SGMS2: variants seen among roughly 807,000 people sequenced by gnomAD.
The protein encoded by SGMS2 is phosphatidylcholine:ceramide cholinephosphotransferase 2.
SGMS2 carries 21 observed loss-of-function variants against 43.8 expected under a neutral mutation model. The ratio of observed to expected loss-of-function variants is 0.48; its 90% CI spans 0.34 to 0.69. SGMS2 has a LOEUF of 0.69. SGMS2 is among the 30% of genes least tolerant of loss of function. The pLI is 0.01. For synonymous variants in SGMS2, 167 were observed against 160.6 expected, an observed-to-expected ratio of 1.04 and a Z score of -0.30; for missense variants, 384 against 443.2, an observed-to-expected ratio of 0.87 and a Z score of 1.20.
At chr4:107,896,088 T>G (rs1428453851) in intron 3 of SGMS2, 80 bp downstream of exon 3, 2 of 1,290,306 alleles carry the variant, frequency 1.6e-6, no homozygotes, top group African/African-American at 3.0e-5. Flanking sequence ...TTATTTTTCC[T>G]TTTTTTCCCC....
intron 2 of SGMS2, chr4:107,864,486 T>C (rs1727970533): frequency 6.6e-6 from 1 of 152,208 alleles, no homozygotes; most frequent in Non-Finnish European, 1.5e-5. Context: ...GGAGTGACTC[T>C]CAGAGTTGCC....
At chr4:107,841,646 A>G (rs1479049810) in intron 1 of SGMS2, among the ~76,000 whole-genome samples, 1 of 151,992 alleles carries the variant, frequency 6.6e-6, no homozygotes, top group African/African-American at 2.4e-5. Flanking sequence ...TTATGGGTAC[A>G]TTGTAGGTGT....
chr4:107,895,524 T>G lies in SGMS2; in HGVS notation c.-30T>G. The G allele has an allele frequency of 6.3e-7, 1 of 1,575,224 alleles. No homozygotes were observed. The highest frequency in any genetic ancestry group is 8.6e-7 in the Non-Finnish European group (1 of 1,161,246). ...TCCACAAAGAACAAGAACTTGACCA[T>G]CTCCTTTTTGATCTGAAGACTAGGG... On this transcript the variant is annotated 5_prime_UTR_variant, in exon 3 of 7. Transcript: ENST00000690982.
intron 1 of SGMS2, among the ~76,000 whole-genome samples, chr4:107,848,776 G>A (rs1311444411): frequency 6.6e-6 from 1 of 151,984 alleles, no homozygotes; most frequent in Non-Finnish European, 1.5e-5. Context: ...TTGAGTTTTA[G>A]GAGCTCTATT....
rs1732285898 is a variant in SGMS2 at position 107,913,955 on chromosome 4, T to A, written c.*3402T>A. 2 of 152,166 alleles carry A rather than the reference T, an allele frequency of 1.3e-5. No homozygotes were observed. The highest frequency in any genetic ancestry group is 4.1e-4 in the South Asian group (2 of 4,828). 9.4% of individuals were successfully genotyped at this position (152,166 alleles called of 1,614,324 possible). ...AAAACTGATGAAAACTTTAAGCCAA[T>A]CTTAATGCACTAGCCTCTGTAGTGT... On this transcript the variant is annotated 3_prime_UTR_variant, in exon 7 of 7. Coordinates refer to ENST00000690982, the MANE Select transcript of SGMS2 (RefSeq NM_001375905.1).
At chr4:107,865,399 A>T (rs1698418984) in intron 2 of SGMS2, among the ~76,000 whole-genome samples, 1 of 152,218 alleles carries the variant, frequency 6.6e-6, no homozygotes, top group African/African-American at 2.4e-5. Flanking sequence ...AAATCAAAAT[A>T]TGCAATTTCA....
chr4:107,849,616 T>C (rs1727024806), intron 1 of SGMS2, among the ~76,000 whole-genome samples: 1 of 152,156 alleles, frequency 6.6e-6, no homozygotes, highest in Admixed American at 6.5e-5. Context: ...TTGAGTTCAC[T>C]GTGGTCCACA....
intron 1 of SGMS2, among the ~76,000 whole-genome samples, chr4:107,840,871 CA>C (rs1404422615): frequency 1.3e-5 from 2 of 152,160 alleles, no homozygotes; most frequent in Non-Finnish European, 2.9e-5. Context: ...AGTCCTGTTG[CA>C]CTCTTCAACA....
intron 2 of SGMS2, among the ~76,000 whole-genome samples, chr4:107,869,507 C>T (rs1159202526): frequency 6.6e-6 from 1 of 152,062 alleles, no homozygotes; most frequent in Non-Finnish European, 1.5e-5. Flanking sequence ...TTATGAAAAG[C>T]CTTGTAAGCA....
chr4:107,828,193 A>T (rs761929839), intron 1 of SGMS2, among the ~76,000 whole-genome samples: 44 of 152,308 alleles, frequency 2.9e-4, no homozygotes, highest in Non-Finnish European at 5.1e-4. Context: ...TAACATTTCT[A>T]TCTGCCCCCT....
chr4:107,838,020 C>T (rs530396937), intron 1 of SGMS2, among the ~76,000 whole-genome samples: 1 of 152,010 alleles, frequency 6.6e-6, no homozygotes, highest in Admixed American at 6.6e-5. Context: ...GAGATCAGGG[C>T]CAGAGTTGTG....
intron 3 of SGMS2, among the ~76,000 whole-genome samples, chr4:107,899,237 T>G (rs183328385): frequency 6.6e-6 from 1 of 152,336 alleles, no homozygotes; most frequent in African/African-American, 2.4e-5. Context: ...AGGTTCATTC[T>G]CTGGCAAAGA....
chr4:107,861,508 T>C (rs1363438813), intron 2 of SGMS2, among the ~76,000 whole-genome samples: 3 of 152,062 alleles, frequency 2.0e-5, no homozygotes, highest in African/African-American at 7.3e-5. Context: ...GACTTTGAAA[T>C]AGTTTGGAGA....
intron 2 of SGMS2, among the ~76,000 whole-genome samples, chr4:107,876,123 T>G (rs2126068646): frequency 6.6e-6 from 1 of 152,314 alleles, no homozygotes; most frequent in Non-Finnish European, 1.5e-5. Flanking sequence ...TTAAGCTATT[T>G]CTTGAACTCA....
rs1327005106 is a variant in SGMS2 at position 107,882,582 on chromosome 4, TA to T, written c.-244-12720del. 4.6e-5 allele frequency among the ~76,000 whole-genome samples: 7 copies of T among 152,188 alleles called. No individual in the cohort carries two copies. In the East Asian group the frequency reaches 9.6e-4, roughly 21 times the overall value. ...CCTTCACTTTGATTGTTTCAATTTTTAAAAAAAATCTGGCTAACAATATTTC... is the reference window on the plus strand; with the variant it reads ...CCTTCACTTTGATTGTTTCAATTTTTAAAAAAATCTGGCTAACAATATTTC... On this transcript the variant is annotated intron_variant, in intron 2 of 6. Coordinates refer to ENST00000690982, the MANE Select transcript of SGMS2 (RefSeq NM_001375905.1).
rs1730582649 is a variant in SGMS2 at position 107,895,406 on chromosome 4, A to G, written c.-148A>G. On this transcript the variant is annotated 5_prime_UTR_variant, in exon 3 of 7. The change abolishes an upstream ATG in the 5' untranslated region. Transcript: ENST00000690982. ...GCTGCATGGAAGAAACAGTAATCGG[A>G]TGGCTACCTTCTACATTTTGTATTA... The G allele has an allele frequency of 1.3e-6, 1 of 789,116 alleles. No homozygotes were observed. Among genetic ancestry groups the G allele is most frequent in the Non-Finnish European group, 2.0e-6 (1 of 492,860 alleles). The allele number at this position is 789,116 out of a possible 1,614,324, so 48.9% of individuals were successfully genotyped here.
chr4:107,884,110 A>G (rs1311842893), intron 2 of SGMS2, among the ~76,000 whole-genome samples: 3 of 151,846 alleles, frequency 2.0e-5, no homozygotes, highest in Non-Finnish European at 2.9e-5. Flanking sequence ...TTTTTTCCCC[A>G]TTTTTCCTAA....
rs1289969398 is a variant in SGMS2, at chr4:107,910,609, G to A, written c.*56G>A. ...CAAAAGAGTTAACGCTGTAACCAAA[G>A]GTATAGTTTTGTTTTTTATTTTAGG... On this transcript the variant is annotated 3_prime_UTR_variant, in exon 7 of 7. Coordinates refer to ENST00000690982, the MANE Select transcript of SGMS2 (RefSeq NM_001375905.1). 3.9e-6 allele frequency: 6 copies of A among 1,524,174 alleles called. No homozygotes were observed. Among genetic ancestry groups the A allele is most frequent in the Non-Finnish European group, 5.3e-6 (6 of 1,126,558 alleles). 94.4% of individuals were successfully genotyped at this position (1,524,174 alleles called of 1,614,324 possible).
chr4:107,860,203 TG>T (rs1398913453), intron 2 of SGMS2, among the ~76,000 whole-genome samples: 2 of 152,144 alleles, frequency 1.3e-5, no homozygotes, highest in Non-Finnish European at 2.9e-5. Flanking sequence ...CTGCAATGTA[TG>T]TTTTTTTTCC....
Sources: gnomAD v4.1 joint callset for allele counts (sites outside exome capture counted in the v4.1 genomes callset) on GRCh38, gnomAD v4.1.1 for gene constraint, MANE v1.5 for transcripts, NCBI Gene and HGNC (gene_info 2026-07-23, HGNC 2026-07-21) for gene names.